The following STRIP2 variants were observed in gnomAD, a reference collection of about 807,000 sequenced individuals.
STRIP2 encodes striatin interacting protein 2, also known as striatin-interacting protein 2.
In STRIP2, 84 loss-of-function variants were observed where a neutral mutation model predicts 107.1. The ratio of observed to expected loss-of-function variants is 0.78; its 90% CI spans 0.66 to 0.94. The LOEUF (loss-of-function observed/expected upper bound fraction) is 0.94. Ranked by LOEUF, STRIP2 falls within the 40% of genes least tolerant of loss-of-function variation. STRIP2 has a pLI of 0.00. For missense variants in STRIP2, 888 were observed against 1,034.2 expected, an observed-to-expected ratio of 0.86 and a Z score of 1.94; for synonymous variants, 394 against 400.4, an observed-to-expected ratio of 0.98 and a Z score of 0.19.
intron 17 of STRIP2, among the ~76,000 whole-genome samples, chr7:129,470,125 C>T (rs1017648686): frequency 6.6e-6 from 1 of 152,190 alleles, no homozygotes; most frequent in South Asian, 2.1e-4. Context: ...ACTAGATTAG[C>T]CTTTCTATAG....
chr7:129,460,265 C>T, intron 12 of STRIP2, 36 bp from the exon 13 acceptor site: 1 of 1,591,540 alleles, frequency 6.3e-7, no homozygotes, highest in Non-Finnish European at 8.6e-7. Flanking sequence ...TGAATGAGGC[C>T]CTCAGCCCTT....
chr7:129,468,945 A>G (rs1203602801), intron 17 of STRIP2, among the ~76,000 whole-genome samples: 1 of 152,116 alleles, frequency 6.6e-6, no homozygotes, highest in Non-Finnish European at 1.5e-5. Context: ...TTCCTCTCTC[A>G]CTGACAAATT....
At chr7:129,434,637 G>A (rs752817789) in intron 1 of STRIP2, 36 bp downstream of exon 1, 2 of 1,439,874 alleles carry the variant, frequency 1.4e-6, no homozygotes, top group Admixed American at 2.7e-5. Flanking sequence ...GGGGCCCGGA[G>A]ACGCCCGCCG....
At chr7:129,476,182 G>C (rs1798927663) in intron 18 of STRIP2, among the ~76,000 whole-genome samples, 1 of 150,972 alleles carries the variant, frequency 6.6e-6, no homozygotes, top group African/African-American at 2.4e-5. Context: ...GCGGCTGGCC[G>C]GGCGGGGGCT....
chr7:129,455,485 T>C, intron 8 of STRIP2, 114 bp downstream of exon 8: 3 of 1,312,430 alleles, frequency 2.3e-6, no homozygotes, highest in East Asian at 5.0e-5. Context: ...AGGCAGCCCT[T>C]AGCCAACTGC....
chr7:129,485,799 C>T lies in STRIP2; in HGVS notation c.2475C>T (p.Ile825=). Residue 825 remains isoleucine, a synonymous_variant, in exon 21 of 21, where the codon ATC becomes ATT. Transcript: ENST00000249344. ...WLEREVFSQP[I]CWEELLQNH is the part of the protein sequence containing the mutation. ...AGAGAGAGGTGTTTTCACAGCCCAT[C>T]TGTTGGGAGGAGCTGCTCCAGAATC... 1 of 1,614,114 alleles carries T rather than the reference C, an allele frequency of 6.2e-7. No homozygotes were observed. Among genetic ancestry groups the T allele is most frequent in the African/African-American group, 1.3e-5 (1 of 75,044 alleles).
chr7:129,455,516 G>A, intron 8 of STRIP2, 145 bp downstream of exon 8: 2 of 973,052 alleles, frequency 2.1e-6, no homozygotes, highest in Middle Eastern at 3.4e-4. Context: ...GGGCAACAAG[G>A]CTGTCCTAGA....
chr7:129,460,402 G>A (rs747290337), intron 13 of STRIP2, 30 bp downstream of exon 13: 1 of 1,593,964 alleles, frequency 6.3e-7, no homozygotes, highest in South Asian at 1.1e-5. Flanking sequence ...CACAGGAGGA[G>A]AGTAGAAGAA....
At chr7:129,476,544 G>T (rs1230438073) in intron 18 of STRIP2, among the ~76,000 whole-genome samples, 34 of 151,552 alleles carry the variant, frequency 2.2e-4, no homozygotes, top group Non-Finnish European at 1.0e-4. Flanking sequence ...AGACAGGGTC[G>T]CGGCCGGGCA....
chr7:129,464,594 C>T lies in STRIP2; in HGVS notation c.1650-18C>T, dbSNP rs1562909423. ...TTAAGGCCACTCTCTGCACTAATAC[C>T]TTCTCTCCCCATTGTAGCATCACTG... On this transcript the variant is annotated intron_variant, in intron 15 of 20. Coordinates refer to ENST00000249344, the MANE Select transcript of STRIP2 (RefSeq NM_020704.3). 1 of 1,613,744 alleles carries T rather than the reference C, an allele frequency of 6.2e-7. No homozygotes were observed. The highest frequency in any genetic ancestry group is 2.2e-5 in the East Asian group (1 of 44,856).
At chr7:129,448,368 T>G (rs1798093331) in intron 3 of STRIP2, among the ~76,000 whole-genome samples, 1 of 152,088 alleles carries the variant, frequency 6.6e-6, no homozygotes, top group Non-Finnish European at 1.5e-5. Flanking sequence ...AGGCCAGAGG[T>G]CTTCTTGGGG....
Position 129,460,379 on chromosome 7 carries a change from C to T in STRIP2, c.1476+7C>T, listed in dbSNP as rs144133904. 5.6e-6 allele frequency: 9 copies of T among 1,612,710 alleles called. No individual in the cohort carries two copies. The East Asian group carries it at 1.6e-4, about 28-fold the overall frequency. On this transcript the variant is annotated splice_region_variant and intron_variant, in intron 13 of 20. Coordinates refer to ENST00000249344, the MANE Select transcript of STRIP2 (RefSeq NM_020704.3). ...GAAGTGCCCTATGTCTTTGGTGAGC[C>T]AAGGAAGCCCTACACAGGAGGAGAG...
intron 17 of STRIP2, among the ~76,000 whole-genome samples, chr7:129,469,391 T>C (rs373268805): frequency 1.3e-5 from 2 of 152,370 alleles, no homozygotes; most frequent in African/African-American, 4.8e-5. Flanking sequence ...TGTAAATTAA[T>C]TTTATGCCCC....
rs1163287094 is a variant in STRIP2, at chr7:129,460,282, GTCT to G, written c.1405-14_1405-12del. 9 of 1,610,094 alleles carry G rather than the reference GTCT, an allele frequency of 5.6e-6. No individual in the cohort carries two copies. The South Asian group carries it at 6.6e-5, about 12-fold the overall frequency. On this transcript the variant is annotated splice_polypyrimidine_tract_variant and intron_variant, in intron 12 of 20. Transcript: ENST00000249344. ...AATGAGGCCCTCAGCCCTTGTTGATGTCTTCTTATCTTTGTCAGCACAAGTATA... is the reference window on the plus strand; with the variant it reads ...AATGAGGCCCTCAGCCCTTGTTGATGTCTTATCTTTGTCAGCACAAGTATA...
In STRIP2 at chr7:129,470,687, A is replaced by C. The variant is rs1467647526; in HGVS notation, c.1916A>C (p.Asp639Ala). Residue 639 changes from aspartate (D) to alanine (A), a missense_variant, in exon 18 of 21, where the codon GAT becomes GCT. Asp to Ala is a moderately radical substitution (Grantham distance 126). Coordinates refer to ENST00000249344, the MANE Select transcript of STRIP2 (RefSeq NM_020704.3). ...GATTATCCTTGCTGTACCATCCAGG[A>C]TTTGCCGGAGCTTACTACTGAAAGT... ...VLDYPCCTIQDLPELTTESLE... is the reference protein window; with the variant it reads ...VLDYPCCTIQALPELTTESLE... 1 of 1,613,886 alleles carries C rather than the reference A, an allele frequency of 6.2e-7. No individual in the cohort carries two copies. Among genetic ancestry groups the C allele is most frequent in the Non-Finnish European group, 8.5e-7 (1 of 1,179,900 alleles).
At chr7:129,454,639 A>C in intron 7 of STRIP2, 112 bp downstream of exon 7, 1 of 704,330 alleles carries the variant, frequency 1.4e-6, no homozygotes. Context: ...TTCTTTTTTA[A>C]AATTAATGTC....
chr7:129,470,774 G>C (rs1798772615), intron 18 of STRIP2, 59 bp downstream of exon 18: 3 of 1,445,770 alleles, frequency 2.1e-6, no homozygotes, highest in Admixed American at 1.7e-5. Context: ...GTTGGCATTT[G>C]CTCTTTCATT....
intron 5 of STRIP2, 54 bp downstream of exon 5, chr7:129,453,401 G>T (rs752034490): frequency 6.2e-7 from 1 of 1,607,320 alleles, no homozygotes; most frequent in Non-Finnish European, 8.5e-7. Context: ...CCTTAAAGGG[G>T]CCTCATGTTC....
At chr7:129,473,234 C>T (rs1413226833) in intron 18 of STRIP2, among the ~76,000 whole-genome samples, 2 of 152,076 alleles carry the variant, frequency 1.3e-5, no homozygotes, top group African/African-American at 2.4e-5. Context: ...TATTTTGCTG[C>T]AATTATATAT....
Sources: allele counts gnomAD v4.1 joint callset (sites outside exome capture counted in the v4.1 genomes callset), GRCh38; gene constraint gnomAD v4.1.1; transcripts MANE v1.5; gene names NCBI Gene and HGNC (gene_info 2026-07-23, HGNC 2026-07-21).